Variants in ADAMTSL3 observed in about 807,000 individuals in gnomAD.
The protein encoded by ADAMTSL3 is ADAMTS-like protein 3.
A neutral mutation model predicts 201.7 loss-of-function variants in ADAMTSL3; 128 were observed. The ratio of observed to expected loss-of-function variants is 0.63; its 90% CI spans 0.55 to 0.73. ADAMTSL3 has a LOEUF of 0.73. ADAMTSL3 is among the 30% of genes least tolerant of loss of function. The probability of loss-of-function intolerance (pLI) is 0.00; values close to 1 mark genes in which losing one functional copy is unlikely to be tolerated. For missense variants in ADAMTSL3, 1,990 were observed against 2,119.6 expected (o/e 0.94, Z 1.20); for synonymous variants, 738 against 748.4 (o/e 0.99, Z 0.23).
chr15:83,872,625 C>CAGAG (rs1035235923), intron 9 of ADAMTSL3, among the ~76,000 whole-genome samples: 5 of 86,776 alleles, frequency 5.8e-5, no homozygotes, highest in Non-Finnish European at 2.7e-5. Context: ...CACACACACA[C>CAGAG]ACAGAGTTTT....
At chr15:83,888,292 T>C (rs1213047239) in intron 10 of ADAMTSL3, among the ~76,000 whole-genome samples, 1 of 152,270 alleles carries the variant, frequency 6.6e-6, no homozygotes, top group Non-Finnish European at 1.5e-5. Context: ...CTTTTTGCTA[T>C]TTCTAAACTG....
At chr15:83,689,231 G>A (rs1022553689) in intron 2 of ADAMTSL3, among the ~76,000 whole-genome samples, 3 of 152,144 alleles carry the variant, frequency 2.0e-5, no homozygotes, top group South Asian at 2.1e-4. Context: ...ACAATAATAC[G>A]TAAGATGGCT....
At chr15:83,993,169 T>C (rs1278307565) in intron 23 of ADAMTSL3, among the ~76,000 whole-genome samples, 1 of 152,256 alleles carries the variant, frequency 6.6e-6, no homozygotes, top group Non-Finnish European at 1.5e-5. Flanking sequence ...CTAGGGAAAT[T>C]CATCTTTTTT....
At chr15:83,660,048 A>G (rs925131922) in intron 2 of ADAMTSL3, among the ~76,000 whole-genome samples, 2 of 152,202 alleles carry the variant, frequency 1.3e-5, no homozygotes, top group Non-Finnish European at 2.9e-5. Context: ...CCAAGAGGAA[A>G]CTAATACAGG....
At chr15:83,655,532 G>C (rs1333173344) in intron 1 of ADAMTSL3, among the ~76,000 whole-genome samples, 197 bp from the exon 2 acceptor site, 1 of 152,202 alleles carries the variant, frequency 6.6e-6, no homozygotes, top group Non-Finnish European at 1.5e-5. Flanking sequence ...GCCCTCGCCT[G>C]ACTTTGTTGT....
At chr15:84,001,228 AGGTGTCC>A (rs1008472579) in intron 23 of ADAMTSL3, among the ~76,000 whole-genome samples, 17 of 152,196 alleles carry the variant, frequency 1.1e-4, no homozygotes, top group Admixed American at 2.6e-4. Flanking sequence ...TGTGGGACAC[AGGTGTCC>A]CGAGGCTAGG....
At chr15:83,827,681 T>G (rs1318430303) in intron 6 of ADAMTSL3, among the ~76,000 whole-genome samples, 3 of 152,212 alleles carry the variant, frequency 2.0e-5, no homozygotes, top group Non-Finnish European at 4.4e-5. Context: ...CTTGAATTAA[T>G]TTTTGTATAA....
At chr15:84,008,736 A>C (rs2067945898) in intron 23 of ADAMTSL3, among the ~76,000 whole-genome samples, 2 of 152,164 alleles carry the variant, frequency 1.3e-5, no homozygotes, top group Admixed American at 6.5e-5. Flanking sequence ...TAACATGTCC[A>C]CATGCCTGCT....
intron 2 of ADAMTSL3, among the ~76,000 whole-genome samples, chr15:83,691,495 A>G (rs1373234562): frequency 2.0e-5 from 3 of 152,128 alleles, no homozygotes; most frequent in African/African-American, 4.8e-5. Flanking sequence ...GCCATCACCA[A>G]TATATTATAA....
intron 6 of ADAMTSL3, among the ~76,000 whole-genome samples, chr15:83,822,382 C>G (rs1355047363): frequency 6.7e-6 from 1 of 149,962 alleles, no homozygotes; most frequent in Non-Finnish European, 1.5e-5. Flanking sequence ...GGCGGAGGGT[C>G]TCCTCACTTC....
At chr15:83,839,332 G>A (rs1428166625) in intron 7 of ADAMTSL3, among the ~76,000 whole-genome samples, 1 of 152,194 alleles carries the variant, frequency 6.6e-6, no homozygotes, top group Non-Finnish European at 1.5e-5. Flanking sequence ...TGACACTGGA[G>A]AAGAGTCTGG....
chr15:83,798,902 T>C (rs2063476010), intron 4 of ADAMTSL3, among the ~76,000 whole-genome samples: 1 of 152,094 alleles, frequency 6.6e-6, no homozygotes, highest in South Asian at 2.1e-4. Context: ...GCAGGTTCTT[T>C]AATAAGATTA....
chr15:84,021,599 T>C lies in ADAMTSL3; in HGVS notation c.4457+6T>C, dbSNP rs766373134. On this transcript the variant is annotated splice_donor_region_variant and intron_variant, in intron 26 of 29. Transcript: ENST00000286744. ...ATCCGGGACTGCCCAGCGAGGTAAG[T>C]GAAGTCACTCTTTGTATCTCATCAA... 3 of 1,613,216 alleles carry C rather than the reference T, an allele frequency of 1.9e-6. No homozygotes were observed. The highest frequency in any genetic ancestry group is 4.5e-5 in the East Asian group (2 of 44,860).
intron 3 of ADAMTSL3, among the ~76,000 whole-genome samples, chr15:83,727,004 A>C (rs565807744): frequency 1.3e-5 from 2 of 152,110 alleles, no homozygotes; most frequent in East Asian, 3.9e-4. Flanking sequence ...AGAATTCAGT[A>C]GTGAAGCCAT....
chr15:83,655,736 C>G lies in ADAMTSL3; in HGVS notation c.-26C>G. On this transcript the variant is annotated 5_prime_UTR_variant, in exon 2 of 30. Transcript: ENST00000286744. ...CTCTTTCCTCGTTTGTAGGCTACAA[C>G]TGAGACCCGGAGGAGACTAGACCCC... 1 of 1,612,414 alleles carries G rather than the reference C, an allele frequency of 6.2e-7. No homozygotes were observed. Among genetic ancestry groups the G allele is most frequent in the Non-Finnish European group, 8.5e-7 (1 of 1,178,554 alleles).
chr15:83,855,379 C>G (rs950695544), intron 7 of ADAMTSL3, among the ~76,000 whole-genome samples: 14 of 152,152 alleles, frequency 9.2e-5, no homozygotes, highest in African/African-American at 3.4e-4. Flanking sequence ...ATATAAGTAT[C>G]TCTGATTGTT....
intron 13 of ADAMTSL3, among the ~76,000 whole-genome samples, chr15:83,895,198 G>A (rs1027334011): frequency 6.6e-6 from 1 of 152,082 alleles, no homozygotes; most frequent in Non-Finnish European, 1.5e-5. Flanking sequence ...TATTTTTAAG[G>A]GTCTTTCTAC....
chr15:83,913,846 A>G (rs902176104), intron 16 of ADAMTSL3, among the ~76,000 whole-genome samples: 15 of 152,324 alleles, frequency 9.8e-5, no homozygotes, highest in Admixed American at 2.0e-4. Flanking sequence ...GTTTGTGTAC[A>G]TAGAGGGTGA....
chr15:83,773,710 G>A, intron 4 of ADAMTSL3, 60 bp downstream of exon 4: 1 of 1,551,090 alleles, frequency 6.4e-7, no homozygotes, highest in Non-Finnish European at 8.7e-7. Context: ...TGGATGGGTG[G>A]AGAGGAGAGA....
Sources: allele counts gnomAD v4.1 joint callset (sites outside exome capture counted in the v4.1 genomes callset), GRCh38; gene constraint gnomAD v4.1.1; transcripts MANE v1.5; gene names NCBI Gene and HGNC (gene_info 2026-07-23, HGNC 2026-07-21).